TSC22D1: variants seen among roughly 807,000 people sequenced by gnomAD.
TSC22D1 encodes TSC22 domain family protein 1.
A neutral mutation model predicts 74.2 loss-of-function variants in TSC22D1; 9 were observed. The observed-to-expected ratio is 0.12, with a 90% CI of 0.07 to 0.21. The LOEUF is 0.21. Among genes scored for constraint, TSC22D1 ranks in the 10% least tolerant of loss-of-function variants. The probability of loss-of-function intolerance (pLI) is 1.00; values close to 1 mark genes in which losing one functional copy is unlikely to be tolerated. For synonymous variants in TSC22D1, 586 were observed against 492.5 expected, an observed-to-expected ratio of 1.19 and a Z score of -2.51; for missense variants, 1,427 against 1,304.7, an observed-to-expected ratio of 1.09 and a Z score of -1.44.
intron 1 of TSC22D1, among the ~76,000 whole-genome samples, chr13:44,488,041 G>C (rs1595112437): frequency 7.1e-6 from 1 of 141,672 alleles, no homozygotes; most frequent in African/African-American, 2.6e-5. Context: ...CTGGGCAACA[G>C]ATCAAGACTC....
At chr13:44,489,411 A>T (rs1346488467) in intron 1 of TSC22D1, among the ~76,000 whole-genome samples, 1 of 152,138 alleles carries the variant, frequency 6.6e-6, no homozygotes, top group Non-Finnish European at 1.5e-5. Flanking sequence ...TCAATAAGAG[A>T]ACAAAAATTT....
chr13:44,540,054 G>A, intron 1 of TSC22D1: 1 of 543,744 alleles, frequency 1.8e-6, no homozygotes, highest in Non-Finnish European at 2.9e-6. Context: ...ACTTTCTTTA[G>A]TGCCTTCTTA....
chr13:44,523,220 C>T (rs1880397886), intron 1 of TSC22D1, among the ~76,000 whole-genome samples: 1 of 152,106 alleles, frequency 6.6e-6, no homozygotes, highest in Admixed American at 6.5e-5. Flanking sequence ...ACAGTACAGT[C>T]GAGTTGAGAC....
At position 44,434,101 on chromosome 13, in the gene TSC22D1, G is replaced by GT. The variant is rs796162380; in HGVS notation, c.*524dup. The GT allele has an allele frequency of 2.5e-5, 37 of 1,503,974 alleles. No individual in the cohort carries two copies. The South Asian group carries it at 4.4e-4, about 18-fold the overall frequency. The allele number at this position is 1,503,974 out of a possible 1,614,324, so 93.2% of individuals were successfully genotyped here. The stretch of plus-strand genomic sequence containing the variant: ...GAGAAGAAAGAGGCACAGTACTATT[G>GT]TTTTTTATGAATTTTGGTGACAGTT... On this transcript the variant is annotated 3_prime_UTR_variant, in exon 3 of 3. Transcript: ENST00000458659.
chr13:44,575,700 G>A lies in TSC22D1; in HGVS notation c.375C>T (p.Ile125=). The change falls in exon 1 of 3, where the codon ATC becomes ATT. Residue 125 remains isoleucine, a synonymous_variant. Transcript: ENST00000458659. ...SVTPAQISAS[I]SSNNSIAEDT... is the part of the protein sequence containing the mutation. ...CCTCTGCTATACTGTTGTTAGAGCT[G>A]ATACTAGCGGAGATCTGAGCAGGAG... 5 of 1,614,228 alleles carry A rather than the reference G, an allele frequency of 3.1e-6. No homozygotes were observed. The highest frequency in any genetic ancestry group is 4.2e-6 in the Non-Finnish European group (5 of 1,180,046).
intron 1 of TSC22D1, chr13:44,436,841 C>T (rs1227285692): frequency 3.0e-6 from 4 of 1,327,594 alleles, no homozygotes; most frequent in Non-Finnish European, 3.8e-6. Context: ...CGCAGCCGGG[C>T]TCCACTCAGC....
At chr13:44,545,764 G>A (rs1031942428) in intron 1 of TSC22D1, among the ~76,000 whole-genome samples, 10 of 152,058 alleles carry the variant, frequency 6.6e-5, no homozygotes, top group African/African-American at 2.2e-4. Flanking sequence ...ATCACTTGAG[G>A]CCAGGAGTTC....
chr13:44,538,230 A>G, intron 1 of TSC22D1: 1 of 985,384 alleles, frequency 1.0e-6, no homozygotes, highest in African/African-American at 1.7e-5. Context: ...TTTAGAAGAC[A>G]GACCAAGCTA....
chr13:44,521,623 C>T (rs964717268), intron 1 of TSC22D1, among the ~76,000 whole-genome samples: 2 of 150,572 alleles, frequency 1.3e-5, no homozygotes, highest in African/African-American at 4.9e-5. Flanking sequence ...CACTCCTCGC[C>T]ATGTCTGGCA....
At chr13:44,535,119 A>T (rs186877327) in intron 1 of TSC22D1, among the ~76,000 whole-genome samples, 33 of 152,288 alleles carry the variant, frequency 2.2e-4, no homozygotes, top group Admixed American at 2.2e-3. Flanking sequence ...TTTTAAGAAA[A>T]ATTATTTTCC....
chr13:44,567,686 T>C (rs1287806316), intron 1 of TSC22D1, among the ~76,000 whole-genome samples: 2 of 151,866 alleles, frequency 1.3e-5, no homozygotes, highest in South Asian at 2.1e-4. Flanking sequence ...AGATGAAAAG[T>C]AGTTGAGAAA....
At chr13:44,497,013 C>A (rs140168204) in intron 1 of TSC22D1, among the ~76,000 whole-genome samples, 36 of 152,072 alleles carry the variant, frequency 2.4e-4, no homozygotes, top group African/African-American at 8.7e-4. Flanking sequence ...ATAGCAGTTT[C>A]TCAAAAAATT....
chr13:44,497,199 T>A (rs1190802058), intron 1 of TSC22D1, among the ~76,000 whole-genome samples: 5 of 152,192 alleles, frequency 3.3e-5, no homozygotes, highest in African/African-American at 1.2e-4. Flanking sequence ...AATATATACA[T>A]GAAATATCAT....
At chr13:44,568,809 C>T (rs1555274821) in intron 1 of TSC22D1, among the ~76,000 whole-genome samples, 1 of 152,080 alleles carries the variant, frequency 6.6e-6, no homozygotes, top group African/African-American at 2.4e-5. Context: ...AAACAGACAG[C>T]GCTGACAGAT....
chr13:44,435,760 C>A, intron 2 of TSC22D1: 1 of 486,058 alleles, frequency 2.1e-6, no homozygotes, highest in Non-Finnish European at 3.7e-6. Context: ...TTGGCCAGCG[C>A]TTCCCTAATA....
intron 1 of TSC22D1, among the ~76,000 whole-genome samples, chr13:44,505,618 A>G (rs1055714096): frequency 6.6e-6 from 1 of 152,232 alleles, no homozygotes; most frequent in Non-Finnish European, 1.5e-5. Context: ...TTGTGCAATT[A>G]AACAAGGAAA....
At chr13:44,453,447 G>A (rs1319044305) in intron 1 of TSC22D1, among the ~76,000 whole-genome samples, 1 of 152,174 alleles carries the variant, frequency 6.6e-6, no homozygotes, top group African/African-American at 2.4e-5. Context: ...CATACTTTAA[G>A]TTGATCAAAA....
At chr13:44,520,035 G>C (rs760450502) in intron 1 of TSC22D1, among the ~76,000 whole-genome samples, 34 of 152,170 alleles carry the variant, frequency 2.2e-4, no homozygotes, top group Non-Finnish European at 4.9e-4. Flanking sequence ...AAGCATGTTT[G>C]AAGTGCTCCT....
chr13:44,439,377 T>C (rs183698886), intron 1 of TSC22D1, among the ~76,000 whole-genome samples: 1 of 152,232 alleles, frequency 6.6e-6, no homozygotes, highest in South Asian at 2.1e-4. Context: ...AACTAGACTT[T>C]TGTATGAAAA....
Sources: gnomAD v4.1 joint callset for allele counts (sites outside exome capture counted in the v4.1 genomes callset) on GRCh38, gnomAD v4.1.1 for gene constraint, MANE v1.5 for transcripts, NCBI Gene and HGNC (gene_info 2026-07-23, HGNC 2026-07-21) for gene names.